The following RNASE8 variants were observed in gnomAD, a reference collection of about 807,000 sequenced individuals.
RNASE8 encodes the protein ribonuclease 8.
For synonymous variants in RNASE8, 68 were observed against 74.1 expected (o/e 0.92, Z 0.42); for missense variants, 179 against 187.9 (o/e 0.95, Z 0.28).
At position 21,058,401 on chromosome 14, in the gene RNASE8, C is replaced by A; in HGVS notation, c.*44C>A. ...CACCTCACACTCTGCAGACTGTATG[C>A]TGCTGCTTTTCCTCCCTCCAGTTCG... On this transcript the variant is annotated 3_prime_UTR_variant, in exon 1 of 1. Coordinates refer to ENST00000308227, the MANE Select transcript of RNASE8 (RefSeq NM_138331.2). The A allele has an allele frequency of 7.2e-7, 1 of 1,382,304 alleles. No individual in the cohort carries two copies. Among genetic ancestry groups the A allele is most frequent in the Non-Finnish European group, 1.0e-6 (1 of 999,844 alleles). The allele number at this position is 1,382,304 out of a possible 1,614,324, so 85.6% of individuals were successfully genotyped here.
rs1406638991 is a variant in RNASE8, at chr14:21,058,430, T to C, written c.*73T>C. On this transcript the variant is annotated 3_prime_UTR_variant, in exon 1 of 1. Coordinates refer to ENST00000308227, the MANE Select transcript of RNASE8 (RefSeq NM_138331.2). ...TGCTTTTCCTCCCTCCAGTTCGTTA[T>C]TAATCCTTGCTCCCCACTGCAAATG... is the stretch of plus-strand genomic sequence containing the variant. 1.8e-6 allele frequency: 2 copies of C among 1,120,264 alleles called. No homozygotes were observed. Among genetic ancestry groups the C allele is most frequent in the Non-Finnish European group, 2.6e-6 (2 of 776,794 alleles). 69.4% of individuals were successfully genotyped at this position (1,120,264 alleles called of 1,614,324 possible). A position where few individuals can be genotyped will look rare whatever the true frequency, so the allele number is the denominator to read the frequency against.
Position 21,057,838 on chromosome 14 carries a change from T to A in RNASE8, c.-55T>A, listed in dbSNP as rs149199469. ...AAGGACTAACAAGACTCCCCCATGA[T>A]GACCTATTCATCCACCTACCTCCTC... On this transcript the variant is annotated 5_prime_UTR_variant, in exon 1 of 1. It removes an upstream start codon present in the reference 5' UTR. Transcript: ENST00000308227. 1.2e-3 allele frequency: 1,783 copies of A among 1,474,208 alleles called. 24 individuals are homozygous for A. The African/African-American group carries it at 0.022, about 18-fold the overall frequency. The allele number at this position is 1,474,208 out of a possible 1,614,324, so 91.3% of individuals were successfully genotyped here.
chr14:21,058,417 C>A lies in RNASE8; in HGVS notation c.*60C>A. ...GACTGTATGCTGCTGCTTTTCCTCC[C>A]TCCAGTTCGTTATTAATCCTTGCTC... is the stretch of plus-strand genomic sequence containing the variant. On this transcript the variant is annotated 3_prime_UTR_variant, in exon 1 of 1. Coordinates refer to ENST00000308227, the MANE Select transcript of RNASE8 (RefSeq NM_138331.2). 1.6e-6 allele frequency: 2 copies of A among 1,251,828 alleles called. No homozygotes were observed. Among genetic ancestry groups the A allele is most frequent in the Non-Finnish European group, 2.3e-6 (2 of 888,290 alleles). 77.5% of individuals were successfully genotyped at this position (1,251,828 alleles called of 1,614,324 possible).
In RNASE8 at chr14:21,058,066, T is replaced by C; in HGVS notation, c.174T>C (p.Asn58=). The C allele has an allele frequency of 1.2e-6, 2 of 1,614,056 alleles. No homozygotes were observed. The highest frequency in any genetic ancestry group is 1.1e-5 in the South Asian group (1 of 91,072). The change falls in exon 1 of 1, where the codon AAT becomes AAC. Residue 58 remains asparagine, a synonymous_variant. Coordinates refer to ENST00000308227, the MANE Select transcript of RNASE8 (RefSeq NM_138331.2). ...QACNSAMSII[N]KYTERCKDLN... is the part of the protein sequence containing the mutation. ...GCAACTCAGCCATGAGCATCATCAA[T>C]AAGTACACAGAACGGTGCAAAGACC...
chr14:21,058,447 C>A lies in RNASE8; in HGVS notation c.*90C>A. 2 of 910,004 alleles carry A rather than the reference C, an allele frequency of 2.2e-6. No individual in the cohort carries two copies. Among genetic ancestry groups the A allele is most frequent in the Non-Finnish European group, 3.3e-6 (2 of 600,236 alleles). 56.4% of individuals were successfully genotyped at this position (910,004 alleles called of 1,614,324 possible). ...GTTCGTTATTAATCCTTGCTCCCCACTGCAAATGCCATTTCCCTCCCACAC... is the reference window on the plus strand; with the variant it reads ...GTTCGTTATTAATCCTTGCTCCCCAATGCAAATGCCATTTCCCTCCCACAC... On this transcript the variant is annotated 3_prime_UTR_variant, in exon 1 of 1. Coordinates refer to ENST00000308227, the MANE Select transcript of RNASE8 (RefSeq NM_138331.2).
chr14:21,058,134 C>T lies in RNASE8; in HGVS notation c.242C>T (p.Thr81Ile), dbSNP rs771518570. The T allele has an allele frequency of 6.2e-7, 1 of 1,614,192 alleles. No individual in the cohort carries two copies. Among genetic ancestry groups the T allele is most frequent in the Admixed American group, 1.7e-5 (1 of 60,014 alleles). Residue 81 changes from threonine to isoleucine, a missense_variant, in exon 1 of 1, where the codon ACC (threonine) becomes ATC (isoleucine). Coordinates refer to ENST00000308227, the MANE Select transcript of RNASE8 (RefSeq NM_138331.2). ...GAGCCCTTCTCCAGTGTGGCCATCA[C>T]CTGCCAGACCCCCAACATAGCCTGC... is the stretch of plus-strand genomic sequence containing the variant. The part of the protein sequence containing the change: ...LHEPFSSVAI[T>I]CQTPNIACKN...
At position 21,057,982 on chromosome 14, in the gene RNASE8, G is replaced by A. The variant is rs776047782; in HGVS notation, c.90G>A (p.Lys30=). The change falls in exon 1 of 1, where the codon AAG becomes AAA. Residue 30 remains lysine, a synonymous_variant. Transcript: ENST00000308227. The stretch of plus-strand genomic sequence containing the variant: ...AGGTCCTAGTCAGAGCCAAGCCCAA[G>A]GACATGACATCATCTCAGTGGTTTA... ...VAEVLVRAKP[K]DMTSSQWFKT... 3 of 1,613,920 alleles carry A rather than the reference G, an allele frequency of 1.9e-6. No individual in the cohort carries two copies. Among genetic ancestry groups the A allele is most frequent in the African/African-American group, 1.3e-5 (1 of 74,884 alleles).
At position 21,057,961 on chromosome 14, in the gene RNASE8, C is replaced by T. The variant is rs757370766; in HGVS notation, c.69C>T (p.Val23=). 1.2e-6 allele frequency: 2 copies of T among 1,614,050 alleles called. No individual in the cohort carries two copies. Among genetic ancestry groups the T allele is most frequent in the Non-Finnish European group, 1.7e-6 (2 of 1,180,020 alleles). The part of the protein sequence containing the change: ...LLLLGLWVAE[V]LVRAKPKDMT... ...TTCTGGGGCTGTGGGTGGCAGAGGT[C>T]CTAGTCAGAGCCAAGCCCAAGGACA... Residue 23 remains valine, a synonymous_variant, in exon 1 of 1, where the codon GTC becomes GTT. Transcript: ENST00000308227.
At position 21,057,840 on chromosome 14, in the gene RNASE8, A is replaced by G; in HGVS notation, c.-53A>G. On this transcript the variant is annotated 5_prime_UTR_variant, in exon 1 of 1. Transcript: ENST00000308227. ...GGACTAACAAGACTCCCCCATGATG[A>G]CCTATTCATCCACCTACCTCCTCAC... is the stretch of plus-strand genomic sequence containing the variant. The G allele has an allele frequency of 1.3e-6, 2 of 1,485,140 alleles. No homozygotes were observed. The highest frequency in any genetic ancestry group is 1.9e-6 in the Non-Finnish European group (2 of 1,077,156). The allele number at this position is 1,485,140 out of a possible 1,614,324, so 92.0% of individuals were successfully genotyped here. A position where few individuals can be genotyped will look rare whatever the true frequency, so the allele number is the denominator to read the frequency against.
At position 21,058,153 on chromosome 14, in the gene RNASE8, A is replaced by G. The variant is rs142176719; in HGVS notation, c.261A>G (p.Ile87Met). ...SVAITCQTPN[I>M]ACKNSCKNCH... is the part of the protein sequence containing the mutation. The stretch of plus-strand genomic sequence containing the variant: ...CCATCACCTGCCAGACCCCCAACAT[A>G]GCCTGCAAGAATAGCTGTAAAAACT... The change falls in exon 1 of 1, where the codon ATA becomes ATG. Residue 87 changes from isoleucine (I) to methionine (M), a missense_variant. Transcript: ENST00000308227. 52 of 1,614,060 alleles carry G rather than the reference A, an allele frequency of 3.2e-5. No individual in the cohort carries two copies. The highest frequency in any genetic ancestry group is 4.2e-5 in the Non-Finnish European group (50 of 1,180,020).
chr14:21,057,847 C>A lies in RNASE8; in HGVS notation c.-46C>A. The stretch of plus-strand genomic sequence containing the variant: ...CAAGACTCCCCCATGATGACCTATT[C>A]ATCCACCTACCTCCTCACTCTGTTC... On this transcript the variant is annotated 5_prime_UTR_variant, in exon 1 of 1. The change creates a premature stop within an existing upstream ORF in the 5' untranslated region. Coordinates refer to ENST00000308227, the MANE Select transcript of RNASE8 (RefSeq NM_138331.2). The A allele has an allele frequency of 6.5e-7, 1 of 1,537,068 alleles. No individual in the cohort carries two copies. Among genetic ancestry groups the A allele is most frequent in the South Asian group, 1.2e-5 (1 of 85,806 alleles).
chr14:21,058,261 G>C lies in RNASE8; in HGVS notation c.369G>C (p.Lys123Asn). The change falls in exon 1 of 1, where the codon AAG becomes AAC. Residue 123 changes from lysine to asparagine, a missense_variant. Lys to Asn is a moderately conservative substitution (Grantham distance 94). Transcript: ENST00000308227. ...GKYPNCRYKE[K>N]HLNTPYIVAC... Reference sequence around the variant, plus strand: ...ACCCAAACTGCAGGTACAAAGAGAAGCACCTGAACACACCTTACATAGTGG... The same window carrying C: ...ACCCAAACTGCAGGTACAAAGAGAACCACCTGAACACACCTTACATAGTGG... The C allele has an allele frequency of 6.2e-7, 1 of 1,614,170 alleles. No individual in the cohort carries two copies. Among genetic ancestry groups the C allele is most frequent in the African/African-American group, 1.3e-5 (1 of 75,038 alleles).
chr14:21,058,000 G>A lies in RNASE8; in HGVS notation c.108G>A (p.Gln36=), dbSNP rs148657945. 3.1e-6 allele frequency: 5 copies of A among 1,614,004 alleles called. No individual in the cohort carries two copies. The highest frequency in any genetic ancestry group is 4.2e-6 in the Non-Finnish European group (5 of 1,180,034). ...RAKPKDMTSS[Q]WFKTQHVQPS... is the part of the protein sequence containing the mutation. Reference sequence around the variant, plus strand: ...AGCCCAAGGACATGACATCATCTCAGTGGTTTAAAACTCAGCATGTGCAGC... The same window carrying A: ...AGCCCAAGGACATGACATCATCTCAATGGTTTAAAACTCAGCATGTGCAGC... The change falls in exon 1 of 1, where the codon CAG becomes CAA. Residue 36 remains glutamine, a synonymous_variant. Coordinates refer to ENST00000308227, the MANE Select transcript of RNASE8 (RefSeq NM_138331.2).
rs1281680018 is a variant in RNASE8 at position 21,058,367 on chromosome 14, C to T, written c.*10C>T. 6.4e-7 allele frequency: 1 copy of T among 1,571,784 alleles called. No homozygotes were observed. The highest frequency in any genetic ancestry group is 1.2e-5 in the South Asian group (1 of 86,384). On this transcript the variant is annotated 3_prime_UTR_variant, in exon 1 of 1. Coordinates refer to ENST00000308227, the MANE Select transcript of RNASE8 (RefSeq NM_138331.2). ...GGATAAAGTTGTCTAAGCCCTGGTG[C>T]CCACGTTCCACCTCACACTCTGCAG...
In RNASE8 at chr14:21,058,192, C is replaced by T. The variant is rs77979750; in HGVS notation, c.300C>T (p.His100=). 1.7e-5 allele frequency: 27 copies of T among 1,614,190 alleles called. No homozygotes were observed. The highest frequency in any genetic ancestry group is 8.9e-5 in the East Asian group (4 of 44,888). The change falls in exon 1 of 1, where the codon CAC becomes CAT. Residue 100 remains histidine (H), a synonymous_variant. Coordinates refer to ENST00000308227, the MANE Select transcript of RNASE8 (RefSeq NM_138331.2). ...GCTGTAAAAACTGCCACCAGAGCCA[C>T]GGGCCCATGTCCCTGACCATGGGTG... ...KNSCKNCHQS[H]GPMSLTMGEL... is the part of the protein sequence containing the mutation.
Position 21,058,411 on chromosome 14 carries a change from T to C in RNASE8, c.*54T>C, listed in dbSNP as rs113091875. On this transcript the variant is annotated 3_prime_UTR_variant, in exon 1 of 1. Transcript: ENST00000308227. ...TCTGCAGACTGTATGCTGCTGCTTT[T>C]CCTCCCTCCAGTTCGTTATTAATCC... The C allele has an allele frequency of 1.8e-4, 237 of 1,307,418 alleles. No individual in the cohort carries two copies. In the African/African-American group the frequency reaches 3.0e-3, roughly 16 times the overall value. The allele number at this position is 1,307,418 out of a possible 1,614,324, so 81.0% of individuals were successfully genotyped here.
Position 21,058,230 on chromosome 14 carries a change from G to A in RNASE8, c.338G>A (p.Gly113Glu). The A allele has an allele frequency of 3.1e-6, 5 of 1,614,096 alleles. No homozygotes were observed. The highest frequency in any genetic ancestry group is 4.2e-6 in the Non-Finnish European group (5 of 1,180,020). ...CTGACCATGGGTGAGCTCACCTCAG[G>A]GAAGTACCCAAACTGCAGGTACAAA... Reference protein sequence around the residue: ...MSLTMGELTSGKYPNCRYKEK... With the variant: ...MSLTMGELTSEKYPNCRYKEK... The change falls in exon 1 of 1, where the codon GGG becomes GAG. Residue 113 changes from glycine (G) to glutamate (E), a missense_variant. Physicochemically the swap from Gly to Glu is moderately conservative, Grantham distance 98. Coordinates refer to ENST00000308227, the MANE Select transcript of RNASE8 (RefSeq NM_138331.2).
In RNASE8 at chr14:21,058,426, G is replaced by A. The variant is rs1038516685; in HGVS notation, c.*69G>A. On this transcript the variant is annotated 3_prime_UTR_variant, in exon 1 of 1. Transcript: ENST00000308227. ...CTGCTGCTTTTCCTCCCTCCAGTTC[G>A]TTATTAATCCTTGCTCCCCACTGCA... The A allele has an allele frequency of 3.0e-5, 34 of 1,150,062 alleles. No individual in the cohort carries two copies. The highest frequency in any genetic ancestry group is 3.9e-5 in the Non-Finnish European group (31 of 800,800). 71.2% of individuals were successfully genotyped at this position (1,150,062 alleles called of 1,614,324 possible).
Position 21,058,061 on chromosome 14 carries a change from A to C in RNASE8, c.169A>C (p.Ile57Leu). ...AGCATGCAACTCAGCCATGAGCATC[A>C]TCAATAAGTACACAGAACGGTGCAA... ...PQACNSAMSI[I>L]NKYTERCKDL... Residue 57 changes from isoleucine to leucine, a missense_variant, in exon 1 of 1, where the codon ATC (isoleucine) becomes CTC (leucine). Coordinates refer to ENST00000308227, the MANE Select transcript of RNASE8 (RefSeq NM_138331.2). 6.2e-7 allele frequency: 1 copy of C among 1,614,154 alleles called. No homozygotes were observed. Among genetic ancestry groups the C allele is most frequent in the Non-Finnish European group, 8.5e-7 (1 of 1,180,034 alleles).
Sources: gnomAD v4.1 joint callset for allele counts on GRCh38, gnomAD v4.1.1 for gene constraint, MANE v1.5 for transcripts, NCBI Gene and HGNC (gene_info 2026-07-23, HGNC 2026-07-21) for gene names.